ZDHHC15: variants seen among roughly 807,000 people sequenced by gnomAD.
ZDHHC15 encodes the protein zDHHC palmitoyltransferase 15.
ZDHHC15 carries 19 observed loss-of-function variants against 31.7 expected under a neutral mutation model. The observed-to-expected ratio is 0.60, with a 90% CI of 0.42 to 0.88. The LOEUF (loss-of-function observed/expected upper bound fraction) is 0.88. ZDHHC15 is among the 40% of genes least tolerant of loss of function. The probability of loss-of-function intolerance (pLI) is 0.00; values close to 1 mark genes in which losing one functional copy is unlikely to be tolerated. For synonymous variants in ZDHHC15, 103 were observed against 90.0 expected (o/e 1.14, Z -0.82); for missense variants, 209 against 251.2 (o/e 0.83, Z 1.14).
intron 1 of ZDHHC15, among the ~76,000 whole-genome samples, chrX:75,517,034 G>T (rs1214028172): frequency 8.9e-6 from 1 of 111,974 alleles, no homozygotes; most frequent in African/African-American, 3.2e-5. Context: ...AAACCACAAT[G>T]AGATACCATC....
chrX:75,438,769 A>G (rs2083898365), intron 4 of ZDHHC15, among the ~76,000 whole-genome samples: 1 of 111,569 alleles, frequency 9.0e-6, no homozygotes, highest in Non-Finnish European at 1.9e-5. Context: ...TTATGCTTTA[A>G]GGAAGTTCTA....
At chrX:75,378,171 A>G (rs932465151) in intron 11 of ZDHHC15, among the ~76,000 whole-genome samples, 2 of 111,200 alleles carry the variant, frequency 1.8e-5, no homozygotes, top group African/African-American at 6.5e-5. Context: ...TTGAGGTCAG[A>G]TAGACCTGAG....
intron 1 of ZDHHC15, among the ~76,000 whole-genome samples, chrX:75,518,955 C>T (rs748805015): frequency 9.3e-6 from 1 of 107,194 alleles, no homozygotes; most frequent in African/African-American, 3.4e-5. Context: ...CACAAAAGAA[C>T]ACATATTTTA....
At chrX:75,445,438 A>G (rs2084020135) in intron 4 of ZDHHC15, among the ~76,000 whole-genome samples, 1 of 112,119 alleles carries the variant, frequency 8.9e-6, no homozygotes, top group Admixed American at 9.5e-5. Flanking sequence ...ATATGATAAT[A>G]TTTAACATTT....
At chrX:75,402,951 G>A (rs1339003796) in intron 10 of ZDHHC15, among the ~76,000 whole-genome samples, 2 of 110,981 alleles carry the variant, frequency 1.8e-5, no homozygotes, top group Non-Finnish European at 1.9e-5. Flanking sequence ...TCACCTTCAG[G>A]CCTATATCCT....
At chrX:75,467,823 T>C (rs1296044838) in intron 3 of ZDHHC15, among the ~76,000 whole-genome samples, 1 of 111,557 alleles carries the variant, frequency 9.0e-6, no homozygotes, top group African/African-American at 3.3e-5. Context: ...GTACAGAGTG[T>C]TGTGCAACCA....
intron 2 of ZDHHC15, among the ~76,000 whole-genome samples, chrX:75,494,764 C>T (rs1225858425): frequency 1.8e-5 from 2 of 112,151 alleles, no homozygotes; most frequent in South Asian, 3.7e-4. Flanking sequence ...CTTCCTTACA[C>T]CTTATACAAA....
chrX:75,497,460 C>T (rs187506320), intron 2 of ZDHHC15, among the ~76,000 whole-genome samples: 442 of 111,580 alleles, frequency 4.0e-3, no homozygotes, highest in Non-Finnish European at 7.0e-3. Context: ...CAAAGGGAAT[C>T]CTCCCTAAAT....
chrX:75,488,954 C>G (rs1331556759), intron 2 of ZDHHC15, among the ~76,000 whole-genome samples: 1 of 111,934 alleles, frequency 8.9e-6, no homozygotes, highest in African/African-American at 3.2e-5. Flanking sequence ...AGATTATATC[C>G]CACGCCTGGT....
chrX:75,488,341 C>A (rs781722997), intron 2 of ZDHHC15, among the ~76,000 whole-genome samples: 32 of 111,817 alleles, frequency 2.9e-4, no homozygotes, highest in African/African-American at 1.0e-3. Flanking sequence ...ACCCTGCAAG[C>A]CAGAAGGGAT....
chrX:75,505,772 G>A (rs757980728), intron 2 of ZDHHC15, 49 bp downstream of exon 2: 15 of 1,193,389 alleles, frequency 1.3e-5, no homozygotes, highest in Non-Finnish European at 1.7e-5. Context: ...ACTTTTAGAT[G>A]AAAAAAAGGA....
At chrX:75,438,182 G>A (rs1192277032) in intron 4 of ZDHHC15, among the ~76,000 whole-genome samples, 1 of 111,802 alleles carries the variant, frequency 8.9e-6, no homozygotes, top group Non-Finnish European at 1.9e-5. Flanking sequence ...CTGTTGGTGG[G>A]ACTGTAAACT....
At chrX:75,385,291 C>T (rs1217707101) in intron 10 of ZDHHC15, among the ~76,000 whole-genome samples, 3 of 110,929 alleles carry the variant, frequency 2.7e-5, no homozygotes, top group African/African-American at 6.6e-5. Flanking sequence ...AGGGCTCTCA[C>T]CAATCCTCTC....
At chrX:75,462,854 A>C (rs967170579) in intron 3 of ZDHHC15, among the ~76,000 whole-genome samples, 3 of 111,404 alleles carry the variant, frequency 2.7e-5, no homozygotes, top group African/African-American at 9.8e-5. Flanking sequence ...TATCACAACT[A>C]AAAGAACTAG....
At chrX:75,396,932 A>G (rs2083304689) in intron 10 of ZDHHC15, among the ~76,000 whole-genome samples, 1 of 111,707 alleles carries the variant, frequency 9.0e-6, no homozygotes, top group South Asian at 3.8e-4. Flanking sequence ...GGGGAGCTAA[A>G]AATTAAAACA....
chrX:75,457,642 C>T (rs1279029125), intron 3 of ZDHHC15, among the ~76,000 whole-genome samples: 2 of 92,778 alleles, frequency 2.2e-5, no homozygotes, highest in Non-Finnish European at 4.1e-5. Flanking sequence ...GTTTTATTTA[C>T]ACTCACACAC....
intron 3 of ZDHHC15, among the ~76,000 whole-genome samples, chrX:75,470,804 C>T (rs1184191753): frequency 1.8e-5 from 2 of 111,650 alleles, no homozygotes; most frequent in African/African-American, 6.5e-5. Context: ...CCCACAATGG[C>T]TCCCTGACTG....
At chrX:75,443,777 A>G (rs2083983659) in intron 4 of ZDHHC15, among the ~76,000 whole-genome samples, 1 of 112,232 alleles carries the variant, frequency 8.9e-6, no homozygotes, top group African/African-American at 3.2e-5. Flanking sequence ...ACAAGGAAAA[A>G]ACAAACAACC....
intron 10 of ZDHHC15, among the ~76,000 whole-genome samples, chrX:75,413,969 C>T (rs947166103): frequency 9.0e-6 from 1 of 111,281 alleles, no homozygotes; most frequent in Admixed American, 9.6e-5. Flanking sequence ...TGCCACCCAT[C>T]CAATTTGAAG....
Sources: gnomAD v4.1 joint callset for allele counts (sites outside exome capture counted in the v4.1 genomes callset) on GRCh38, gnomAD v4.1.1 for gene constraint, MANE v1.5 for transcripts, NCBI Gene and HGNC (gene_info 2026-07-23, HGNC 2026-07-21) for gene names.